BRF1: variants seen among roughly 807,000 people sequenced by gnomAD.
BRF1 encodes transcription factor IIIB 90 kDa subunit.
A neutral mutation model predicts 81.7 loss-of-function variants in BRF1; 59 were observed. The observed-to-expected ratio is 0.72, with a 90% CI of 0.59 to 0.90. The LOEUF is 0.90. BRF1 is among the 40% of genes least tolerant of loss of function. The pLI is 0.00. For synonymous variants in BRF1, 491 were observed against 395.6 expected (o/e 1.24, Z -2.86); for missense variants, 1,050 against 936.3 (o/e 1.12, Z -1.58).
chr14:105,229,658 C>G (rs1304366646), intron 6 of BRF1, among the ~76,000 whole-genome samples: 3 of 150,524 alleles, frequency 2.0e-5, no homozygotes, highest in Non-Finnish European at 3.0e-5. Context: ...GACAGCCTGG[C>G]AGCCCCGTGG....
intron 5 of BRF1, chr14:105,249,411 C>T (rs747048900): frequency 1.9e-6 from 3 of 1,613,514 alleles, no homozygotes; most frequent in South Asian, 2.2e-5. Context: ...CTACGGAGAC[C>T]TGGCGGAAGT....
chr14:105,229,361 A>T (rs587672261), intron 6 of BRF1, among the ~76,000 whole-genome samples: 3 of 152,210 alleles, frequency 2.0e-5, no homozygotes, highest in Middle Eastern at 6.3e-3. Context: ...CATGGAGATC[A>T]TGTGTGCAGA....
At chr14:105,273,185 C>T (rs772139482) in intron 2 of BRF1, among the ~76,000 whole-genome samples, 4 of 152,110 alleles carry the variant, frequency 2.6e-5, no homozygotes, top group Non-Finnish European at 5.9e-5. Flanking sequence ...CTCTGAGGTG[C>T]GGCGTGTCTG....
Position 105,241,415 on chromosome 14 carries a change from C to G in BRF1, c.545-1G>C, listed in dbSNP as rs766127853. 4 of 1,611,216 alleles carry G rather than the reference C, an allele frequency of 2.5e-6. No homozygotes were observed. Among genetic ancestry groups the G allele is most frequent in the Non-Finnish European group, 2.5e-6 (3 of 1,179,874 alleles). The stretch of plus-strand genomic sequence containing the variant: ...AAGCGTGGAATATACAGGCACGGGT[C>G]TGCGGCAGACACAGCACCTCAGTGC... On this transcript the variant is annotated splice_acceptor_variant, in intron 5 of 17. Transcript: ENST00000547530. LOFTEE classifies it high-confidence loss of function.
At chr14:105,219,461 C>A in intron 12 of BRF1, 1 of 929,046 alleles carries the variant, frequency 1.1e-6, no homozygotes, top group Non-Finnish European at 1.6e-6. Context: ...TGTGTGAGAC[C>A]CCCTAGGGCA....
At chr14:105,229,038 C>G in intron 6 of BRF1, 125 bp from the exon 7 acceptor site, 2 of 852,952 alleles carry the variant, frequency 2.3e-6, no homozygotes, top group Non-Finnish European at 3.9e-6. Flanking sequence ...GTGTCTGTGC[C>G]AGGCAGTGAG....
chr14:105,282,549 G>A (rs1172735160), intron 2 of BRF1, among the ~76,000 whole-genome samples: 2 of 152,156 alleles, frequency 1.3e-5, no homozygotes, highest in Non-Finnish European at 2.9e-5. Context: ...CAACCAAGGC[G>A]GTATGGGGAG....
intron 10 of BRF1, among the ~76,000 whole-genome samples, chr14:105,225,452 C>T (rs908978734): frequency 6.6e-6 from 1 of 152,176 alleles, no homozygotes; most frequent in East Asian, 1.9e-4. Context: ...CACAGCTCAT[C>T]AGCATTAACA....
rs144480316 is a variant in BRF1, at chr14:105,224,238, G to A, written c.1048+1831C>T. Among the ~76,000 whole-genome samples the A allele has an allele frequency of 3.8e-4, 58 of 152,290 alleles. No homozygotes were observed. In the East Asian group the frequency reaches 0.011, roughly 28 times the overall value. On this transcript the variant is annotated intron_variant, in intron 10 of 17. Coordinates refer to ENST00000547530, the MANE Select transcript of BRF1 (RefSeq NM_001519.4). The stretch of plus-strand genomic sequence containing the variant: ...ACAAAAATTAGCTGGGCGTGGTGGC[G>A]CATGCCTGTAGTCCCAACTACTCAG...
chr14:105,256,097 C>A, intron 4 of BRF1: 2 of 1,161,702 alleles, frequency 1.7e-6, no homozygotes, highest in South Asian at 1.5e-5. Context: ...TGCACTCCAG[C>A]CTGGGTGACA....
In BRF1 at chr14:105,283,185, T is replaced by C. The variant is rs587604355; in HGVS notation, c.265+3111A>G. ...TCACTGCCACAGCAGGGGGCCTGAC[T>C]GGCAGCAAAAGGGACGACTCCGGCG... On this transcript the variant is annotated intron_variant, in intron 2 of 17. Transcript: ENST00000547530. 3.0e-3 allele frequency among the ~76,000 whole-genome samples: 461 copies of C among 152,230 alleles called. 1 individual carries two copies. Among genetic ancestry groups the C allele is most frequent in the African/African-American group, 0.01 (434 of 41,538 alleles).
intron 15 of BRF1, 177 bp downstream of exon 15, chr14:105,217,367 G>GA (rs1891501628): frequency 1.0e-6 from 1 of 992,926 alleles, no homozygotes; most frequent in African/African-American, 1.6e-5. Flanking sequence ...AAGGAGAGTT[G>GA]AGACACTGTC....
intron 2 of BRF1, among the ~76,000 whole-genome samples, chr14:105,275,782 G>C (rs188225125): frequency 6.6e-6 from 1 of 152,394 alleles, no homozygotes; most frequent in Admixed American, 6.5e-5. Flanking sequence ...TACGGGGATG[G>C]TATTAAGATG....
At chr14:105,241,188 A>G (rs1220084700) in intron 6 of BRF1, 77 bp downstream of exon 6, 13 of 1,574,430 alleles carry the variant, frequency 8.3e-6, no homozygotes, top group Non-Finnish European at 1.1e-5. Context: ...GGCCCAGCCC[A>G]CCAGCACTCA....
chr14:105,272,999 C>T, intron 2 of BRF1, 105 bp from the exon 3 acceptor site: 2 of 1,305,420 alleles, frequency 1.5e-6, no homozygotes, highest in Non-Finnish European at 2.0e-6. Context: ...TGTGCTTTTC[C>T]TTGTAAGTTT....
Position 105,258,079 on chromosome 14 carries a change from A to G in BRF1, c.440-1530T>C, listed in dbSNP as rs587710323. The stretch of plus-strand genomic sequence containing the variant: ...AAGACGGGCTCATCAACCATAACAA[A>G]TGGACCAGCTAACACAAGATGTTAA... On this transcript the variant is annotated intron_variant, in intron 3 of 17. Coordinates refer to ENST00000547530, the MANE Select transcript of BRF1 (RefSeq NM_001519.4). Among the ~76,000 whole-genome samples the G allele has an allele frequency of 2.0e-4, 31 of 152,344 alleles. 1 individual carries two copies. In the South Asian group the frequency reaches 6.2e-3, roughly 31 times the overall value.
chr14:105,261,597 G>A (rs902792167), intron 3 of BRF1, among the ~76,000 whole-genome samples: 7 of 152,178 alleles, frequency 4.6e-5, no homozygotes, highest in African/African-American at 1.7e-4. Flanking sequence ...ATTTACATAA[G>A]GCAGAACTAA....
chr14:105,288,790 C>T (rs892905602), intron 1 of BRF1, among the ~76,000 whole-genome samples: 1 of 151,524 alleles, frequency 6.6e-6, no homozygotes, highest in Admixed American at 6.6e-5. Context: ...CCTGCAACCA[C>T]GCCCGGCTAA....
rs757801973 is a variant in BRF1, at chr14:105,211,192, A to G, written c.1926T>C (p.Ala642=). 6.2e-7 allele frequency: 1 copy of G among 1,612,050 alleles called. No homozygotes were observed. Among genetic ancestry groups the G allele is most frequent in the East Asian group, 2.2e-5 (1 of 44,836 alleles). Residue 642 remains alanine, a synonymous_variant, in exon 17 of 18, where the codon GCT becomes GCC. Coordinates refer to ENST00000547530, the MANE Select transcript of BRF1 (RefSeq NM_001519.4). ...GPVSYHADEE[A]DEEEPDEEDG... is the part of the protein sequence containing the mutation. The stretch of plus-strand genomic sequence containing the variant: ...CCTCCTCGTCAGGCTCCTCCTCGTC[A>G]GCCTCCTCGTCGGCGTGGTATGACA...
Sources: allele counts gnomAD v4.1 joint callset (sites outside exome capture counted in the v4.1 genomes callset), GRCh38; gene constraint gnomAD v4.1.1; transcripts MANE v1.5; gene names NCBI Gene and HGNC (gene_info 2026-07-23, HGNC 2026-07-21).